Variants in CECR2 observed in about 807,000 individuals in gnomAD.
The protein encoded by CECR2 is CECR2 histone acetyl-lysine reader, also known as chromatin remodeling regulator CECR2.
Under a neutral mutation model 154.5 loss-of-function variants are expected in CECR2, and 30 were observed. The ratio of observed to expected loss-of-function variants is 0.19; its 90% CI spans 0.15 to 0.26. The LOEUF is 0.26. Ranked by LOEUF, CECR2 falls within the 10% of genes least tolerant of loss-of-function variation. CECR2 has a pLI of 1.00. For synonymous variants in CECR2, 725 were observed against 683.7 expected (o/e 1.06, Z -0.94); for missense variants, 1,743 against 1,829.3 (o/e 0.95, Z 0.86).
chr22:17,485,545 G>T (rs77185636), intron 2 of CECR2, among the ~76,000 whole-genome samples: 1 of 152,108 alleles, frequency 6.6e-6, no homozygotes, highest in African/African-American at 2.4e-5. Context: ...GAGGCAGGCC[G>T]CTCACATGAA....
At chr22:17,439,620 T>TA (rs1223163935) in intron 1 of CECR2, among the ~76,000 whole-genome samples, 4 of 152,210 alleles carry the variant, frequency 2.6e-5, no homozygotes, top group African/African-American at 9.7e-5. Flanking sequence ...GGAATACTCA[T>TA]ACTTTACTAA....
At chr22:17,544,914 A>G (rs2056587876) in intron 16 of CECR2, among the ~76,000 whole-genome samples, 2 of 151,420 alleles carry the variant, frequency 1.3e-5, no homozygotes, top group African/African-American at 2.4e-5. Flanking sequence ...CAAGGCTACA[A>G]TGAGCTATGA....
chr22:17,455,784 T>C (rs1282388062), intron 1 of CECR2, among the ~76,000 whole-genome samples: 1 of 152,204 alleles, frequency 6.6e-6, no homozygotes, highest in African/African-American at 2.4e-5. Context: ...CTAATTTTTG[T>C]ATTTTTAGTA....
At chr22:17,426,393 G>C (rs1367602326) in intron 1 of CECR2, among the ~76,000 whole-genome samples, 1 of 150,838 alleles carries the variant, frequency 6.6e-6, no homozygotes, top group East Asian at 1.9e-4. Flanking sequence ...GTCTCTCTCT[G>C]TCTCCCAGGC....
chr22:17,402,018 C>G (rs1440752107), intron 1 of CECR2, among the ~76,000 whole-genome samples: 2 of 152,146 alleles, frequency 1.3e-5, no homozygotes, highest in Non-Finnish European at 2.9e-5. Flanking sequence ...GAGTCTCGCT[C>G]TTTTGCCCAG....
chr22:17,514,715 C>G (rs1360955164), intron 8 of CECR2, among the ~76,000 whole-genome samples: 1 of 152,074 alleles, frequency 6.6e-6, no homozygotes, highest in Non-Finnish European at 1.5e-5. Flanking sequence ...CAGCCTAGTG[C>G]TGAAAATCAG....
chr22:17,508,688 A>G (rs1417160921), intron 7 of CECR2, among the ~76,000 whole-genome samples: 1 of 152,096 alleles, frequency 6.6e-6, no homozygotes, highest in Non-Finnish European at 1.5e-5. Context: ...TGTACCCCAT[A>G]GCCTAGCTGT....
intron 4 of CECR2, 50 bp from the exon 5 acceptor site, chr22:17,500,581 A>T (rs1314326358): frequency 3.9e-6 from 5 of 1,289,960 alleles, no homozygotes; most frequent in African/African-American, 1.5e-5. Context: ...AATCATATGT[A>T]GCAATGCCAA....
At chr22:17,431,305 G>A (rs565087460) in intron 1 of CECR2, among the ~76,000 whole-genome samples, 5 of 152,276 alleles carry the variant, frequency 3.3e-5, no homozygotes, top group African/African-American at 1.2e-4. Context: ...GAGGATATTT[G>A]GTTTTGAGCT....
intron 1 of CECR2, among the ~76,000 whole-genome samples, chr22:17,440,834 C>CT (rs1019720465): frequency 2.6e-5 from 4 of 151,400 alleles, no homozygotes; most frequent in Non-Finnish European, 5.9e-5. Context: ...TTTTCTGGGA[C>CT]TTTTTTTTAG....
At chr22:17,524,428 T>C (rs1253545701) in intron 9 of CECR2, 157 bp downstream of exon 9, 2 of 850,198 alleles carry the variant, frequency 2.4e-6, no homozygotes, top group Non-Finnish European at 3.4e-6. Context: ...AGTCTCGCTG[T>C]GTCGCCCAGG....
chr22:17,527,036 G>T (rs1399247894), intron 9 of CECR2, among the ~76,000 whole-genome samples: 3 of 152,134 alleles, frequency 2.0e-5, no homozygotes, highest in African/African-American at 7.2e-5. Flanking sequence ...TTTGCAAACT[G>T]CCCAGTTGAC....
intron 7 of CECR2, among the ~76,000 whole-genome samples, chr22:17,506,176 A>G (rs555823747): frequency 1.6e-4 from 24 of 151,190 alleles, no homozygotes; most frequent in African/African-American, 3.2e-4. Flanking sequence ...GTCTTGCTCT[A>G]TTTCCCAAGC....
chr22:17,552,813 A>G lies in CECR2; in HGVS notation c.4390-22A>G, dbSNP rs969899413. On this transcript the variant is annotated intron_variant, in intron 18 of 18. Transcript: ENST00000262608. ...AACAACCCAATTTTTATTTTTGTTTAAAATGTCTTTGTTTCTTTCAGAGCT... is the reference window on the plus strand; with the variant it reads ...AACAACCCAATTTTTATTTTTGTTTGAAATGTCTTTGTTTCTTTCAGAGCT... 1.1e-5 allele frequency: 15 copies of G among 1,351,674 alleles called. 1 individual carries two copies. Among genetic ancestry groups the G allele is most frequent in the African/African-American group, 4.3e-5 (2 of 46,052 alleles). The allele number at this position is 1,351,674 out of a possible 1,614,324, so 83.7% of individuals were successfully genotyped here.
chr22:17,431,289 G>C (rs754350628), intron 1 of CECR2, among the ~76,000 whole-genome samples: 9 of 152,118 alleles, frequency 5.9e-5, no homozygotes, highest in Non-Finnish European at 1.2e-4. Flanking sequence ...TAATTGAACT[G>C]GTCTTGAGGA....
At chr22:17,404,881 C>G (rs1454355830) in intron 1 of CECR2, among the ~76,000 whole-genome samples, 3 of 152,072 alleles carry the variant, frequency 2.0e-5, no homozygotes, top group Non-Finnish European at 2.9e-5. Flanking sequence ...ACAAAAAAAG[C>G]CTGCTAGCAT....
intron 2 of CECR2, among the ~76,000 whole-genome samples, chr22:17,493,515 A>C (rs2055567812): frequency 6.6e-6 from 1 of 152,182 alleles, no homozygotes; most frequent in Non-Finnish European, 1.5e-5. Flanking sequence ...TCTGATGTTT[A>C]AAAGGAGATG....
chr22:17,438,858 AGTT>A (rs1255675494), intron 1 of CECR2, among the ~76,000 whole-genome samples: 11 of 152,120 alleles, frequency 7.2e-5, no homozygotes, highest in Admixed American at 6.5e-5. Flanking sequence ...AAGAAAAAAA[AGTT>A]GTTTTCTTTT....
In CECR2 at chr22:17,548,291, G is replaced by A. The variant is rs899312781; in HGVS notation, c.3004G>A (p.Gly1002Ser). The A allele has an allele frequency of 1.9e-6, 3 of 1,608,708 alleles. No homozygotes were observed. In the African/African-American group the frequency reaches 4.0e-5, roughly 22 times the overall value. ...CTCACCACAAGAAAGGGAAACAGTG[G>A]GCCCGGAGCTCAAAAGCAGCTCCTC... The part of the protein sequence containing the change: ...QSSPQERETV[G>S]PELKSSSSES... Residue 1002 changes from glycine (G) to serine (S), a missense_variant, in exon 17 of 19, where the codon GGC becomes AGC. This residue lies in a region of CECR2 where 1,250 missense variants were observed against 1,192.1 expected (regional missense o/e 1.05). Transcript: ENST00000262608.
Sources: allele counts gnomAD v4.1 joint callset (sites outside exome capture counted in the v4.1 genomes callset), GRCh38; gene constraint gnomAD v4.1.1; regional missense constraint gnomAD v4.1.1; transcripts MANE v1.5; gene names NCBI Gene and HGNC (gene_info 2026-07-23, HGNC 2026-07-21).